Variants in PHC2 observed in about 807,000 individuals in gnomAD.
The protein encoded by PHC2 is polyhomeotic homolog 2, also known as polyhomeotic-like protein 2.
A neutral mutation model predicts 87.4 loss-of-function variants in PHC2; 29 were observed. That is an observed-to-expected ratio of 0.33 (90% CI 0.25 to 0.45). PHC2 has a LOEUF of 0.45. PHC2 is among the 20% of genes least tolerant of loss of function. The probability of loss-of-function intolerance (pLI) is 1.00; values close to 1 mark genes in which losing one functional copy is unlikely to be tolerated. For missense variants in PHC2, 857 were observed against 1,136.7 expected (o/e 0.75, Z 3.54); for synonymous variants, 438 against 461.7 (o/e 0.95, Z 0.66).
intron 9 of PHC2, chr1:33,346,475 G>C: frequency 1.0e-6 from 1 of 985,262 alleles, no homozygotes; most frequent in Non-Finnish European, 1.2e-6. Flanking sequence ...TGTCCTTTCA[G>C]AAGAGAATCT....
chr1:33,401,377 A>G (rs1649522517), intron 1 of PHC2, among the ~76,000 whole-genome samples: 1 of 152,214 alleles, frequency 6.6e-6, no homozygotes, highest in African/African-American at 2.4e-5. Context: ...TGGAAATGCA[A>G]AAGACCAAGA....
intron 7 of PHC2, among the ~76,000 whole-genome samples, chr1:33,366,654 C>T (rs180751535): frequency 2.6e-4 from 40 of 152,340 alleles, no homozygotes; most frequent in African/African-American, 8.9e-4. Context: ...GAATTGGCAA[C>T]ATGATTGGCA....
chr1:33,397,820 T>C (rs1199374381), intron 1 of PHC2, among the ~76,000 whole-genome samples: 1 of 152,198 alleles, frequency 6.6e-6, no homozygotes, highest in African/African-American at 2.4e-5. Context: ...ATACCCTTGA[T>C]GACCTCTGCA....
chr1:33,347,554 A>T, intron 9 of PHC2: 1 of 985,502 alleles, frequency 1.0e-6, no homozygotes, highest in Non-Finnish European at 1.2e-6. Flanking sequence ...ACATGTCAGT[A>T]AAGAACAGTT....
In PHC2 at chr1:33,340,988, A is replaced by G. The variant is rs190067273; in HGVS notation, c.1559-6696T>C. On this transcript the variant is annotated intron_variant, in intron 9 of 14. Coordinates refer to ENST00000683057, the MANE Select transcript of PHC2 (RefSeq NM_001385109.1). ...AGATCCCAGAGGATTAAAGTTAGAA[A>G]GGCCCTGAGTTTAACATCTTAAATG... 8.5e-5 allele frequency among the ~76,000 whole-genome samples: 13 copies of G among 152,158 alleles called. No individual in the cohort carries two copies. In the South Asian group the frequency reaches 1.9e-3, roughly 22 times the overall value.
chr1:33,405,559 T>C (rs1557846260), intron 1 of PHC2, among the ~76,000 whole-genome samples: 1 of 152,172 alleles, frequency 6.6e-6, no homozygotes, highest in African/African-American at 2.4e-5. Flanking sequence ...GTGTTTTCTA[T>C]TTCATTAATT....
intron 1 of PHC2, among the ~76,000 whole-genome samples, chr1:33,399,589 T>C (rs1199202973): frequency 6.6e-6 from 1 of 152,222 alleles, no homozygotes; most frequent in African/African-American, 2.4e-5. Context: ...GTTTTCTTGT[T>C]TTCCAGGCCT....
chr1:33,395,197 A>G (rs1649243139), intron 1 of PHC2, among the ~76,000 whole-genome samples: 1 of 152,164 alleles, frequency 6.6e-6, no homozygotes. Flanking sequence ...GCCTTATACA[A>G]GGGTACATAC....
intron 1 of PHC2, among the ~76,000 whole-genome samples, chr1:33,408,563 C>T (rs1383024880): frequency 2.6e-5 from 4 of 152,246 alleles, no homozygotes; most frequent in Non-Finnish European, 2.9e-5. Flanking sequence ...CAGATTCAAG[C>T]GATTCTCTTG....
At chr1:33,391,033 C>T (rs1465385295) in intron 1 of PHC2, among the ~76,000 whole-genome samples, 1 of 152,098 alleles carries the variant, frequency 6.6e-6, no homozygotes, top group Non-Finnish European at 1.5e-5. Context: ...CACATTGTCC[C>T]CTCTTTTCTA....
intron 9 of PHC2, chr1:33,335,261 C>T: frequency 6.1e-6 from 6 of 985,352 alleles, no homozygotes; most frequent in Non-Finnish European, 7.2e-6. Context: ...AAGACTTCAT[C>T]TCCTCACTTC....
intron 9 of PHC2, chr1:33,347,390 G>T: frequency 2.0e-6 from 2 of 985,338 alleles, no homozygotes; most frequent in Non-Finnish European, 2.4e-6. Context: ...GGGGCTGGAG[G>T]TCCTTCTTTA....
intron 1 of PHC2, among the ~76,000 whole-genome samples, chr1:33,396,239 A>G (rs1649289461): frequency 1.3e-5 from 2 of 152,070 alleles, no homozygotes; most frequent in Admixed American, 1.3e-4. Flanking sequence ...CCATTTCCCC[A>G]TGGTGGGCCA....
intron 1 of PHC2, among the ~76,000 whole-genome samples, chr1:33,376,915 C>T (rs1648214711): frequency 6.6e-6 from 1 of 152,146 alleles, no homozygotes; most frequent in Non-Finnish European, 1.5e-5. Flanking sequence ...GTGACAAAAC[C>T]AGAAGGCAAT....
Position 33,349,497 on chromosome 1 carries a change from G to A in PHC2, c.1558+4904C>T. The A allele has an allele frequency of 2.0e-6, 2 of 985,210 alleles. No homozygotes were observed. The highest frequency in any genetic ancestry group is 2.4e-6 in the Non-Finnish European group (2 of 829,852). The allele number at this position is 985,210 out of a possible 1,614,324, so 61.0% of individuals were successfully genotyped here. On this transcript the variant is annotated intron_variant, in intron 9 of 14. Transcript: ENST00000683057. This position sits in a 1 kb window ranked among gnomAD's most constrained non-coding sequence, Gnocchi z 4.2. ...CGGCCTGGCAGCCGCGTAGGCCCGGGCCGTTAGGGGCACCGAGGGCGGTGC... is the reference window on the plus strand; with the variant it reads ...CGGCCTGGCAGCCGCGTAGGCCCGGACCGTTAGGGGCACCGAGGGCGGTGC...
intron 9 of PHC2, among the ~76,000 whole-genome samples, chr1:33,344,423 T>C (rs1646807513): frequency 1.3e-5 from 2 of 152,222 alleles, no homozygotes; most frequent in South Asian, 4.1e-4. Flanking sequence ...TATTATGGAC[T>C]ACATACTACA....
chr1:33,333,706 G>A (rs972707389), intron 10 of PHC2: 4 of 227,400 alleles, frequency 1.8e-5, no homozygotes, highest in Non-Finnish European at 2.6e-5. Context: ...CTAACTGGCC[G>A]AAGTTTTGCC....
intron 9 of PHC2, among the ~76,000 whole-genome samples, chr1:33,344,226 C>T (rs1175609611): frequency 6.6e-6 from 1 of 152,116 alleles, no homozygotes; most frequent in Admixed American, 6.5e-5. Context: ...TACCGGTTTA[C>T]AAAAGAAATC....
At position 33,371,114 on chromosome 1, in the gene PHC2, T is replaced by C; in HGVS notation, c.334-20A>G. The C allele has an allele frequency of 6.2e-7, 1 of 1,606,338 alleles. No homozygotes were observed. ...GCTTGCCTAGGAAAGAACAAACTCC[T>C]CTTGCTAGAGTCCCAGACCTCCCCC... On this transcript the variant is annotated intron_variant, in intron 3 of 14. Coordinates refer to ENST00000683057, the MANE Select transcript of PHC2 (RefSeq NM_001385109.1).
Sources: gnomAD v4.1 joint callset for allele counts (sites outside exome capture counted in the v4.1 genomes callset) on GRCh38, gnomAD v4.1.1 for gene constraint, Gnocchi (gnomAD v3.1) non-coding constraint, MANE v1.5 for transcripts, NCBI Gene and HGNC (gene_info 2026-07-23, HGNC 2026-07-21) for gene names.